Variants in SFSWAP observed in about 807,000 individuals in gnomAD.
SFSWAP encodes the protein splicing factor, suppressor of white-apricot homolog.
SFSWAP carries 17 observed loss-of-function variants against 100.7 expected under a neutral mutation model. That is an observed-to-expected ratio of 0.17 (90% confidence interval 0.12 to 0.25). The LOEUF is 0.25. Among genes scored for constraint, SFSWAP ranks in the 10% least tolerant of loss-of-function variants. The pLI is 1.00. For synonymous variants in SFSWAP, 504 were observed against 510.1 expected (o/e 0.99, Z 0.16); for missense variants, 1,005 against 1,262.6 (o/e 0.80, Z 3.09).
chr12:131,742,946 A>G (rs1288381176), intron 7 of SFSWAP, among the ~76,000 whole-genome samples: 1 of 152,194 alleles, frequency 6.6e-6, no homozygotes, highest in Non-Finnish European at 1.5e-5. Flanking sequence ...CATGTCTTAC[A>G]TGGATGGCAG....
chr12:131,754,627 C>CTTTTTTTTTTTTT (rs869226840), intron 9 of SFSWAP, 128 bp downstream of exon 9: 10 of 79,856 alleles, frequency 1.3e-4, no homozygotes, highest in Admixed American at 2.2e-4. Context: ...GCTCAAATGT[C>CTTTTTTTTTTTTT]TTTTTTTTTT....
Position 131,725,515 on chromosome 12 carries a change from G to T in SFSWAP, c.717G>T (p.Gln239His). ...AGGCCAAGCAGGCCCGGAACTCCCA[G>T]TTTGACTTTCTGCGCTTCGACCACT... The part of the protein sequence containing the change: ...MLKAKQARNS[Q>H]FDFLRFDHYL... The change falls in exon 5 of 18, where the codon CAG becomes CAT. Residue 239 changes from glutamine to histidine, a missense_variant. Around this residue, in one of 7 missense-constraint regions of SFSWAP, gnomAD observed 237 missense variants for 337.0 expected, o/e 0.70. Coordinates refer to ENST00000261674, the MANE Select transcript of SFSWAP (RefSeq NM_004592.4). The surrounding 1 kb of genome is among the most constrained non-coding windows in gnomAD (Gnocchi z 4.3). The T allele has an allele frequency of 1.2e-6, 2 of 1,614,148 alleles. No individual in the cohort carries two copies. Among genetic ancestry groups the T allele is most frequent in the Non-Finnish European group, 1.7e-6 (2 of 1,180,030 alleles).
At chr12:131,776,920 C>T (rs1168371188) in intron 13 of SFSWAP, among the ~76,000 whole-genome samples, 3 of 152,170 alleles carry the variant, frequency 2.0e-5, no homozygotes, top group Admixed American at 6.5e-5. Context: ...GGTTCCGATG[C>T]GCTGTGGTGG....
intron 7 of SFSWAP, among the ~76,000 whole-genome samples, chr12:131,750,505 C>T (rs1030427338): frequency 4.0e-5 from 6 of 151,102 alleles, no homozygotes; most frequent in African/African-American, 9.7e-5. Context: ...GCGCGTGTCT[C>T]GGCTTCACAG....
In SFSWAP at chr12:131,786,450, C is replaced by T. The variant is rs1353036445; in HGVS notation, c.2409-13C>T. 22 of 1,583,206 alleles carry T rather than the reference C, an allele frequency of 1.4e-5. No individual in the cohort carries two copies. The highest frequency in any genetic ancestry group is 1.8e-5 in the Non-Finnish European group (21 of 1,165,486). ...AGGCCACAGAGCTGAACACTGCCTCCTCCCCTGTCCAGGTCCCGCTCCCGG... is the reference window on the plus strand; with the variant it reads ...AGGCCACAGAGCTGAACACTGCCTCTTCCCCTGTCCAGGTCCCGCTCCCGG... On this transcript the variant is annotated splice_polypyrimidine_tract_variant and intron_variant, in intron 14 of 17. Transcript: ENST00000261674.
In SFSWAP at chr12:131,797,281, G is replaced by C; in HGVS notation, c.2638G>C (p.Ala880Pro). ...SPSKQAAPRPAAPAAHSAHSA... is the reference protein window; with the variant it reads ...SPSKQAAPRPPAPAAHSAHSA... ...CAGCAAGCAGGCAGCGCCCCGGCCC[G>C]CGGCCCCCGCGGCCCACTCGGCGCA... Residue 880 changes from alanine (A) to proline (P), a missense_variant, in exon 16 of 18, where the codon GCG (alanine) becomes CCG (proline). Around this residue, in one of 7 missense-constraint regions of SFSWAP, gnomAD observed 295 missense variants for 347.9 expected, o/e 0.85. Coordinates refer to ENST00000261674, the MANE Select transcript of SFSWAP (RefSeq NM_004592.4). 1 of 1,611,256 alleles carries C rather than the reference G, an allele frequency of 6.2e-7. No homozygotes were observed.
intron 3 of SFSWAP, among the ~76,000 whole-genome samples, chr12:131,717,067 C>T (rs187608527): frequency 1.1e-3 from 170 of 152,226 alleles, no homozygotes; most frequent in South Asian, 2.1e-3. Flanking sequence ...CTTGACATTT[C>T]GTGTTTAACT....
At chr12:131,796,499 C>G (rs907486857) in intron 15 of SFSWAP, 1 of 152,358 alleles carries the variant, frequency 6.6e-6, no homozygotes, top group Non-Finnish European at 1.5e-5. Context: ...CAGAGCTGAG[C>G]TGCTGCCCAC....
intron 4 of SFSWAP, among the ~76,000 whole-genome samples, chr12:131,721,989 G>A (rs1297968589): frequency 6.6e-6 from 1 of 152,166 alleles, no homozygotes; most frequent in Non-Finnish European, 1.5e-5. Context: ...ACACCGTGGT[G>A]TCCATGTTAG....
intron 15 of SFSWAP, among the ~76,000 whole-genome samples, chr12:131,792,945 G>A (rs1225007711): frequency 2.0e-5 from 3 of 152,170 alleles, no homozygotes; most frequent in Non-Finnish European, 4.4e-5. Flanking sequence ...GAAAGCTACA[G>A]TAACCAAGGC....
chr12:131,782,930 C>G (rs908525639), intron 14 of SFSWAP, among the ~76,000 whole-genome samples: 1 of 152,102 alleles, frequency 6.6e-6, no homozygotes, highest in African/African-American at 2.4e-5. Context: ...CCTATAATCC[C>G]GGCTCTTAAG....
At chr12:131,735,878 T>A (rs529080179) in intron 7 of SFSWAP, among the ~76,000 whole-genome samples, 161 of 152,384 alleles carry the variant, frequency 1.1e-3, no homozygotes, top group Non-Finnish European at 1.8e-3. Flanking sequence ...GAAATGATAA[T>A]TCTCATCTCT....
chr12:131,795,093 T>C (rs1177072268), intron 15 of SFSWAP, among the ~76,000 whole-genome samples: 2 of 152,238 alleles, frequency 1.3e-5, no homozygotes, highest in Non-Finnish European at 2.9e-5. Flanking sequence ...AAATGACTCT[T>C]TCGTGCAGGT....
chr12:131,750,069 C>T (rs923348997), intron 7 of SFSWAP, among the ~76,000 whole-genome samples: 4 of 152,204 alleles, frequency 2.6e-5, no homozygotes, highest in South Asian at 2.1e-4. Flanking sequence ...AGAAGCCCTT[C>T]GGGAGGCTGG....
intron 14 of SFSWAP, among the ~76,000 whole-genome samples, chr12:131,780,992 G>T (rs1202104364): frequency 6.6e-6 from 1 of 152,162 alleles, no homozygotes; most frequent in Admixed American, 6.5e-5. Flanking sequence ...AAAGACAGGT[G>T]ATGCCGTGGC....
At chr12:131,791,090 G>T (rs1160826848) in intron 15 of SFSWAP, among the ~76,000 whole-genome samples, 1 of 152,170 alleles carries the variant, frequency 6.6e-6, no homozygotes, top group African/African-American at 2.4e-5. Flanking sequence ...TGATTGTGGA[G>T]TGGATTAAAG....
intron 9 of SFSWAP, 38 bp downstream of exon 9, chr12:131,754,537 T>C (rs779412977): frequency 7.1e-7 from 1 of 1,417,174 alleles, no homozygotes; most frequent in Non-Finnish European, 9.3e-7. Context: ...TATATGGCAT[T>C]TGGGGGTTTC....
At chr12:131,775,744 A>G (rs982950661) in intron 13 of SFSWAP, among the ~76,000 whole-genome samples, 1 of 152,046 alleles carries the variant, frequency 6.6e-6, no homozygotes, top group African/African-American at 2.4e-5. Flanking sequence ...GTGTTCTTGG[A>G]TATAGAGCTT....
At chr12:131,740,966 C>CTTTTTTTTTTTTTTTTTTTTTTT (rs60047663) in intron 7 of SFSWAP, among the ~76,000 whole-genome samples, 122 of 70,170 alleles carry the variant, frequency 1.7e-3, no homozygotes, top group Admixed American at 3.1e-3. Context: ...TCTTTTTTTT[C>CTTTTTTTTTTTTTTTTTTTTTTT]TTTTTTTTTT....
Sources: gnomAD v4.1 joint callset for allele counts (sites outside exome capture counted in the v4.1 genomes callset) on GRCh38, gnomAD v4.1.1 for gene constraint, gnomAD v4.1.1 regional missense constraint, Gnocchi (gnomAD v3.1) non-coding constraint, MANE v1.5 for transcripts, NCBI Gene and HGNC (gene_info 2026-07-23, HGNC 2026-07-21) for gene names.